The following ITGA11 variants were observed in gnomAD, a reference collection of about 807,000 sequenced individuals.
ITGA11 encodes the protein integrin alpha-11.
Under a neutral mutation model 141.9 loss-of-function variants are expected in ITGA11, and 97 were observed. The observed-to-expected ratio is 0.68, with a 90% CI of 0.58 to 0.81. The LOEUF is 0.81. Ranked by LOEUF, ITGA11 falls within the 30% of genes least tolerant of loss-of-function variation. The probability of loss-of-function intolerance (pLI) is 0.00; values close to 1 mark genes in which losing one functional copy is unlikely to be tolerated. For missense variants in ITGA11, 1,387 were observed against 1,559.2 expected, an observed-to-expected ratio of 0.89 and a Z score of 1.86; for synonymous variants, 658 against 624.6, an observed-to-expected ratio of 1.05 and a Z score of -0.80.
chr15:68,344,099 G>T (rs574315972), intron 10 of ITGA11, among the ~76,000 whole-genome samples: 6 of 152,274 alleles, frequency 3.9e-5, no homozygotes, highest in African/African-American at 1.4e-4. Flanking sequence ...AGGATATGGG[G>T]CCAGGCTTAG....
chr15:68,383,702 T>C (rs1895915990), intron 2 of ITGA11, among the ~76,000 whole-genome samples: 2 of 152,192 alleles, frequency 1.3e-5, no homozygotes, highest in African/African-American at 4.8e-5. Flanking sequence ...TTCAAACCTA[T>C]GAAGTTATAG....
chr15:68,303,950 G>A lies in ITGA11; in HGVS notation c.3382-65C>T. 2.0e-6 allele frequency: 2 copies of A among 1,016,786 alleles called. No individual in the cohort carries two copies. The highest frequency in any genetic ancestry group is 1.5e-6 in the Non-Finnish European group (1 of 651,956). 63.0% of individuals were successfully genotyped at this position (1,016,786 alleles called of 1,614,324 possible). ...CTGGGGCTGGGGTGGCAGTCTGGGA[G>A]GGGCAGGAGGGTGGAGACAGCTGGC... On this transcript the variant is annotated intron_variant, in intron 28 of 29. Coordinates refer to ENST00000315757, the MANE Select transcript of ITGA11 (RefSeq NM_001004439.2). The surrounding 1 kb of genome is among the most constrained non-coding windows in gnomAD (Gnocchi z 5.3).
At chr15:68,391,109 G>T (rs994585420) in intron 2 of ITGA11, among the ~76,000 whole-genome samples, 10 of 152,086 alleles carry the variant, frequency 6.6e-5, no homozygotes, top group African/African-American at 2.4e-4. Flanking sequence ...GGAGGGGAAA[G>T]CCAAGTAGGA....
At chr15:68,348,960 T>A (rs1567139262) in intron 9 of ITGA11, 60 bp from the exon 10 acceptor site, 2 of 1,434,510 alleles carry the variant, frequency 1.4e-6, no homozygotes, top group Admixed American at 1.9e-5. Context: ...GCCAGACAGA[T>A]CTGCTGCCCA....
At chr15:68,386,359 G>A (rs975461960) in intron 2 of ITGA11, among the ~76,000 whole-genome samples, 2 of 152,074 alleles carry the variant, frequency 1.3e-5, no homozygotes, top group Non-Finnish European at 2.9e-5. Flanking sequence ...CTACTGCCTC[G>A]CAGTCCATCC....
chr15:68,358,907 G>A (rs1392295108), intron 5 of ITGA11, among the ~76,000 whole-genome samples: 1 of 152,200 alleles, frequency 6.6e-6, no homozygotes, highest in African/African-American at 2.4e-5. Flanking sequence ...CAGTACCTTG[G>A]TATTGTTTGT....
At chr15:68,380,111 G>T (rs1895821531) in intron 2 of ITGA11, among the ~76,000 whole-genome samples, 1 of 152,194 alleles carries the variant, frequency 6.6e-6, no homozygotes, top group African/African-American at 2.4e-5. Context: ...CCCAGAGAAT[G>T]TCAGGATTGG....
chr15:68,325,065 T>G lies in ITGA11; in HGVS notation c.2322+66A>C. 19 of 1,132,418 alleles carry G rather than the reference T, an allele frequency of 1.7e-5. No individual in the cohort carries two copies. The highest frequency in any genetic ancestry group is 2.5e-5 in the South Asian group (2 of 81,034). 70.1% of individuals were successfully genotyped at this position (1,132,418 alleles called of 1,614,324 possible). A position where few individuals can be genotyped will look rare whatever the true frequency, so the allele number is the denominator to read the frequency against. On this transcript the variant is annotated intron_variant, in intron 18 of 29. Transcript: ENST00000315757. This position sits in a 1 kb window ranked among gnomAD's most constrained non-coding sequence, Gnocchi z 5.5. ...ACCCGGCACACTCAGGCTCTGGGCTTTGGGGTTGAGGTGGAGGTGGGGGTG... is the reference window on the plus strand; with the variant it reads ...ACCCGGCACACTCAGGCTCTGGGCTGTGGGGTTGAGGTGGAGGTGGGGGTG...
intron 2 of ITGA11, among the ~76,000 whole-genome samples, chr15:68,386,665 C>A (rs1895992490): frequency 6.6e-6 from 1 of 152,216 alleles, no homozygotes; most frequent in African/African-American, 2.4e-5. Context: ...CTCCCAACTT[C>A]CTTTCTCTCC....
chr15:68,377,564 G>A (rs531327227), intron 2 of ITGA11, among the ~76,000 whole-genome samples: 6 of 152,266 alleles, frequency 3.9e-5, no homozygotes, highest in African/African-American at 1.2e-4. Context: ...GAGCCACTGC[G>A]CCTGGCCCGA....
chr15:68,364,754 G>A lies in ITGA11; in HGVS notation c.310C>T (p.Arg104Cys), dbSNP rs761808597. Reference protein sequence around the residue: ...SNVSERKDNMRLGLSLATNPK... With the variant: ...SNVSERKDNMCLGLSLATNPK... Reference sequence around the variant, plus strand: ...TTGGTGGCGAGACTAAGGCCGAGGCGCATGTTGTCTTTCCGCTCGGACACG... The same window carrying A: ...TTGGTGGCGAGACTAAGGCCGAGGCACATGTTGTCTTTCCGCTCGGACACG... Residue 104 changes from arginine (R) to cysteine (C), a missense_variant, in exon 4 of 30, where the codon CGC becomes TGC. Physicochemically the swap from Arg to Cys is radical, Grantham distance 180. Transcript: ENST00000315757. 20 of 1,613,626 alleles carry A rather than the reference G, an allele frequency of 1.2e-5. No individual in the cohort carries two copies. The highest frequency in any genetic ancestry group is 3.3e-5 in the South Asian group (3 of 91,066).
At chr15:68,364,374 C>T (rs1316876352) in intron 4 of ITGA11, among the ~76,000 whole-genome samples, 2 of 152,318 alleles carry the variant, frequency 1.3e-5, no homozygotes, top group African/African-American at 4.8e-5. Context: ...AGGGACAGTC[C>T]CCCACCAGAC....
At chr15:68,366,115 T>C (rs1325724206) in intron 3 of ITGA11, among the ~76,000 whole-genome samples, 1 of 152,222 alleles carries the variant, frequency 6.6e-6, no homozygotes, top group Non-Finnish European at 1.5e-5. Flanking sequence ...TCTGCCCTTC[T>C]TGGCTGTGCT....
intron 1 of ITGA11, among the ~76,000 whole-genome samples, chr15:68,414,462 T>C (rs566166053): frequency 1.8e-4 from 28 of 152,204 alleles, no homozygotes; most frequent in Middle Eastern, 6.8e-3. Context: ...TGAGAACTAG[T>C]TTGGACATCA....
chr15:68,395,970 A>G (rs1225769689), intron 2 of ITGA11, among the ~76,000 whole-genome samples: 1 of 151,950 alleles, frequency 6.6e-6, no homozygotes, highest in Non-Finnish European at 1.5e-5. Flanking sequence ...ACATTTAAAG[A>G]AGCAATAATA....
chr15:68,327,267 ACT>A (rs1274311626), intron 16 of ITGA11, among the ~76,000 whole-genome samples: 1 of 151,782 alleles, frequency 6.6e-6, no homozygotes, highest in Non-Finnish European at 1.5e-5. Flanking sequence ...CAAATCTCTG[ACT>A]CTATTCTGGG....
In ITGA11 at chr15:68,303,743, C is replaced by A. The variant is rs909561799; in HGVS notation, c.3495+29G>T. 1 of 1,505,318 alleles carries A rather than the reference C, an allele frequency of 6.6e-7. No individual in the cohort carries two copies. Among genetic ancestry groups the A allele is most frequent in the Admixed American group, 1.7e-5 (1 of 58,708 alleles). 93.2% of individuals were successfully genotyped at this position (1,505,318 alleles called of 1,614,324 possible). A position where few individuals can be genotyped will look rare whatever the true frequency, so the allele number is the denominator to read the frequency against. On this transcript the variant is annotated intron_variant, in intron 29 of 29. Transcript: ENST00000315757. The surrounding 1 kb of genome is among the most constrained non-coding windows in gnomAD (Gnocchi z 5.3). The stretch of plus-strand genomic sequence containing the variant: ...CCTGGGCCCACCAGCCAGGATGCTG[C>A]TCCTTCCCTCCCCTGCCAGGGCCCT...
intron 2 of ITGA11, among the ~76,000 whole-genome samples, chr15:68,390,911 C>G (rs1229240862): frequency 6.6e-6 from 1 of 152,218 alleles, no homozygotes; most frequent in Non-Finnish European, 1.5e-5. Flanking sequence ...CTTTGAGGTT[C>G]ACCCTGGCAC....
At chr15:68,369,803 C>T (rs922989214) in intron 2 of ITGA11, among the ~76,000 whole-genome samples, 9 of 152,320 alleles carry the variant, frequency 5.9e-5, no homozygotes, top group Admixed American at 1.3e-4. Flanking sequence ...AGCCAGTGGG[C>T]GGAAGCTGCC....
Sources: allele counts gnomAD v4.1 joint callset (sites outside exome capture counted in the v4.1 genomes callset), GRCh38; gene constraint gnomAD v4.1.1; non-coding constraint Gnocchi (gnomAD v3.1); transcripts MANE v1.5; gene names NCBI Gene and HGNC (gene_info 2026-07-23, HGNC 2026-07-21).